RBFOX1: variants seen among roughly 807,000 people sequenced by gnomAD.
RBFOX1 encodes the protein RNA binding fox-1 homolog 1, also known as RNA binding protein fox-1 homolog 1.
RBFOX1 carries 8 observed loss-of-function variants against 57.7 expected under a neutral mutation model. The ratio of observed to expected loss-of-function variants is 0.14; its 90% CI spans 0.08 to 0.25. The LOEUF is 0.25. RBFOX1 is among the 10% of genes least tolerant of loss of function. The probability of loss-of-function intolerance (pLI) is 1.00; values close to 1 mark genes in which losing one functional copy is unlikely to be tolerated. For missense variants in RBFOX1, 611 were observed against 548.5 expected (o/e 1.11, Z -1.14); for synonymous variants, 326 against 222.4 (o/e 1.47, Z -4.15).
At chr16:7,354,046 G>A (rs540746581) in intron 4 of RBFOX1, among the ~76,000 whole-genome samples, 5 of 152,028 alleles carry the variant, frequency 3.3e-5, no homozygotes, top group African/African-American at 7.2e-5. Flanking sequence ...ATCTGGGCTC[G>A]CTGCAACCTC....
At position 7,315,722 on chromosome 16, in the gene RBFOX1, G is replaced by A. The variant is rs148528994; in HGVS notation, c.28-202425G>A. Among the ~76,000 whole-genome samples the A allele has an allele frequency of 2.0e-3, 297 of 151,874 alleles. 1 individual carries two copies. Among genetic ancestry groups the A allele is most frequent in the African/African-American group, 6.6e-3 (273 of 41,376 alleles). The stretch of plus-strand genomic sequence containing the variant: ...ACATATGATACAGCATTTTGGACTC[G>A]GAAAGCAGGTGTCCAGCAAATGCAC... On this transcript the variant is annotated intron_variant, in intron 4 of 15. Coordinates refer to ENST00000550418, the MANE Select transcript of RBFOX1 (RefSeq NM_018723.4).
At chr16:7,609,445 G>A (rs1459570607) in intron 10 of RBFOX1, among the ~76,000 whole-genome samples, 8 of 152,164 alleles carry the variant, frequency 5.3e-5, no homozygotes, top group Non-Finnish European at 1.0e-4. Flanking sequence ...AGTTAAGACT[G>A]ATTTGTAACT....
chr16:6,759,301 G>A (rs762355835), intron 3 of RBFOX1, among the ~76,000 whole-genome samples: 3 of 151,996 alleles, frequency 2.0e-5, no homozygotes, highest in South Asian at 4.2e-4. Context: ...CAGGTGCATG[G>A]CACCACAGCT....
chr16:7,505,269 CA>C (rs1422582838), intron 4 of RBFOX1, among the ~76,000 whole-genome samples: 3 of 147,484 alleles, frequency 2.0e-5, no homozygotes, highest in Non-Finnish European at 4.5e-5. Flanking sequence ...GGAAACCAGA[CA>C]AGGTTCCTAT....
intron 4 of RBFOX1, among the ~76,000 whole-genome samples, chr16:7,432,336 A>G (rs990639337): frequency 1.3e-5 from 2 of 152,198 alleles, no homozygotes; most frequent in South Asian, 4.1e-4. Flanking sequence ...AGAGAAGGGT[A>G]ATCTGCTACC....
chr16:7,126,463 C>T (rs1031297224), intron 4 of RBFOX1: 8 of 228,402 alleles, frequency 3.5e-5, no homozygotes, highest in African/African-American at 1.8e-4. Context: ...ACAAAGGCAT[C>T]GAAGACGCTT....
At chr16:5,439,209 G>A (rs971274938) in intron 1 of RBFOX1, among the ~76,000 whole-genome samples, 1 of 152,062 alleles carries the variant, frequency 6.6e-6, no homozygotes, top group Non-Finnish European at 1.5e-5. Flanking sequence ...AGAAGATGTG[G>A]TATGGAATGT....
chr16:7,201,784 G>C (rs73539636), intron 4 of RBFOX1, among the ~76,000 whole-genome samples: 2,292 of 152,200 alleles, frequency 0.015, 69 homozygotes, highest in African/African-American at 0.052. Flanking sequence ...TATTTACAAA[G>C]CTTACCCAGG....
chr16:7,305,513 T>C (rs1449766222), intron 4 of RBFOX1, among the ~76,000 whole-genome samples: 1 of 152,186 alleles, frequency 6.6e-6, no homozygotes, highest in Non-Finnish European at 1.5e-5. Context: ...TTATACTCAT[T>C]TTATCTGTTT....
At chr16:5,968,548 G>A (rs774047836) in intron 4 of RBFOX1, among the ~76,000 whole-genome samples, 1 of 152,104 alleles carries the variant, frequency 6.6e-6, no homozygotes, top group African/African-American at 2.4e-5. Flanking sequence ...CAGGCCTACA[G>A]TGATTCTGTC....
intron 4 of RBFOX1, among the ~76,000 whole-genome samples, chr16:6,011,880 A>G (rs1411787426): frequency 1.3e-5 from 2 of 152,190 alleles, no homozygotes; most frequent in African/African-American, 4.8e-5. Flanking sequence ...AGTTTGAGGT[A>G]AAATGGTGTT....
chr16:5,636,105 T>G (rs924897497), intron 3 of RBFOX1, among the ~76,000 whole-genome samples: 1 of 151,888 alleles, frequency 6.6e-6, no homozygotes, highest in Non-Finnish European at 1.5e-5. Flanking sequence ...CCCAGCACTT[T>G]GGGAGGCAAA....
chr16:7,249,220 G>A (rs930660173), intron 4 of RBFOX1, among the ~76,000 whole-genome samples: 4 of 152,184 alleles, frequency 2.6e-5, no homozygotes, highest in Admixed American at 6.5e-5. Flanking sequence ...TTTTGCAAGG[G>A]TGGGTTTGTT....
intron 1 of RBFOX1, among the ~76,000 whole-genome samples, chr16:6,184,604 G>A (rs1210138864): frequency 6.6e-6 from 1 of 152,198 alleles, no homozygotes; most frequent in Non-Finnish European, 1.5e-5. Context: ...CTTTTGCCCA[G>A]GCTGGAGTGC....
intron 4 of RBFOX1, among the ~76,000 whole-genome samples, chr16:7,220,956 G>A (rs1268636597): frequency 6.6e-6 from 1 of 152,104 alleles, no homozygotes; most frequent in Non-Finnish European, 1.5e-5. Flanking sequence ...AAAGACTGAT[G>A]AGAAAGGGAC....
chr16:6,687,837 A>T (rs1032591380), intron 3 of RBFOX1, among the ~76,000 whole-genome samples: 1 of 152,170 alleles, frequency 6.6e-6, no homozygotes, highest in African/African-American at 2.4e-5. Flanking sequence ...CCTAACTCCA[A>T]AGGAGTCTGG....
At chr16:7,084,637 A>G (rs929686777) in intron 4 of RBFOX1, among the ~76,000 whole-genome samples, 1 of 152,210 alleles carries the variant, frequency 6.6e-6, no homozygotes, top group African/African-American at 2.4e-5. Flanking sequence ...ATTTCTTCAA[A>G]TTGAGCTTCA....
At position 7,676,852 on chromosome 16, in the gene RBFOX1, T is replaced by G; in HGVS notation, c.995+14T>G. 6.2e-7 allele frequency: 1 copy of G among 1,604,630 alleles called. No homozygotes were observed. The highest frequency in any genetic ancestry group is 8.5e-7 in the Non-Finnish European group (1 of 1,171,760). ...CTACAGTGACAGGTAAGGGTCATCC[T>G]TCTTGTGCTTGACAACTACTTGTAA... is the stretch of plus-strand genomic sequence containing the variant. On this transcript the variant is annotated intron_variant, in intron 14 of 15. Coordinates refer to ENST00000550418, the MANE Select transcript of RBFOX1 (RefSeq NM_018723.4).
chr16:6,469,313 A>G (rs1233801731), intron 2 of RBFOX1, among the ~76,000 whole-genome samples: 3 of 152,158 alleles, frequency 2.0e-5, no homozygotes, highest in East Asian at 3.9e-4. Context: ...AGTTACAACC[A>G]AGGTATGGGA....
Sources: allele counts gnomAD v4.1 joint callset (sites outside exome capture counted in the v4.1 genomes callset), GRCh38; gene constraint gnomAD v4.1.1; transcripts MANE v1.5; gene names NCBI Gene and HGNC (gene_info 2026-07-23, HGNC 2026-07-21).